Variants in VWA8 observed in about 807,000 individuals in gnomAD.
VWA8 encodes the protein von Willebrand factor A domain-containing protein 8.
VWA8 carries 221 observed loss-of-function variants against 241.5 expected under a neutral mutation model. The ratio of observed to expected loss-of-function variants is 0.91; its 90% CI spans 0.82 to 1.02. The LOEUF (loss-of-function observed/expected upper bound fraction) is 1.02, where lower values mean the gene tolerates loss of function less well. Among genes scored for constraint, VWA8 ranks in the 50% least tolerant of loss-of-function variants. The pLI, the probability that VWA8 is intolerant of heterozygous loss-of-function variation, is 0.00. For synonymous variants in VWA8, 852 were observed against 827.1 expected, an observed-to-expected ratio of 1.03 and a Z score of -0.52; for missense variants, 2,322 against 2,328.7, an observed-to-expected ratio of 1.00 and a Z score of 0.06.
At chr13:41,671,205 A>G in intron 36 of VWA8, 58 bp from the exon 37 acceptor site, 1 of 1,552,882 alleles carries the variant, frequency 6.4e-7, no homozygotes, top group Non-Finnish European at 8.9e-7. Context: ...AGGAGGGATG[A>G]CACTGCACAT....
intron 2 of VWA8, among the ~76,000 whole-genome samples, chr13:41,913,605 C>T (rs911494688): frequency 6.6e-6 from 1 of 152,192 alleles, no homozygotes; most frequent in Admixed American, 6.5e-5. Flanking sequence ...CTCTCCTGTA[C>T]TCCCCTGCCC....
At chr13:41,755,503 A>C (rs1369777235) in intron 21 of VWA8, among the ~76,000 whole-genome samples, 2 of 151,952 alleles carry the variant, frequency 1.3e-5, no homozygotes, top group African/African-American at 4.8e-5. Flanking sequence ...AATTTTTATT[A>C]TATTTTCAGT....
intron 26 of VWA8, among the ~76,000 whole-genome samples, chr13:41,711,284 A>G (rs1226608894): frequency 2.0e-5 from 3 of 152,178 alleles, no homozygotes; most frequent in Non-Finnish European, 4.4e-5. Flanking sequence ...GGACTATTTA[A>G]TTCATTGTTC....
At chr13:41,945,067 C>T (rs565064075) in intron 2 of VWA8, among the ~76,000 whole-genome samples, 1 of 152,262 alleles carries the variant, frequency 6.6e-6, no homozygotes, top group African/African-American at 2.4e-5. Flanking sequence ...TGAGGGTCCA[C>T]ACAAGCAGAA....
At chr13:41,603,475 C>A (rs1436211029) in intron 40 of VWA8, among the ~76,000 whole-genome samples, 2 of 152,140 alleles carry the variant, frequency 1.3e-5, no homozygotes, top group Admixed American at 1.3e-4. Context: ...TAGTCCTCAA[C>A]AAATACCAAT....
At chr13:41,850,331 A>T (rs1389404689) in intron 12 of VWA8, among the ~76,000 whole-genome samples, 5 of 152,182 alleles carry the variant, frequency 3.3e-5, no homozygotes, top group Non-Finnish European at 7.3e-5. Context: ...TACATACTAT[A>T]ATGTAGTTCC....
chr13:41,848,152 C>T (rs1056029744), intron 12 of VWA8, among the ~76,000 whole-genome samples: 5 of 152,160 alleles, frequency 3.3e-5, no homozygotes, highest in Admixed American at 3.3e-4. Flanking sequence ...TTTTGATTGA[C>T]AATGCATCCC....
intron 9 of VWA8, among the ~76,000 whole-genome samples, chr13:41,881,522 C>T (rs199711225): frequency 1.0e-4 from 15 of 145,688 alleles, no homozygotes; most frequent in Non-Finnish European, 2.0e-4. Flanking sequence ...CCTTTCCCCC[C>T]TTCTGTTCCA....
intron 20 of VWA8, among the ~76,000 whole-genome samples, chr13:41,774,268 T>C (rs1868484099): frequency 6.6e-6 from 1 of 152,184 alleles, no homozygotes; most frequent in African/African-American, 2.4e-5. Context: ...GCCTCCGAAG[T>C]AGATGGGACT....
At chr13:41,619,184 C>T (rs941549248) in intron 37 of VWA8, among the ~76,000 whole-genome samples, 2 of 152,324 alleles carry the variant, frequency 1.3e-5, no homozygotes, top group South Asian at 2.1e-4. Flanking sequence ...AGGTCCTTCA[C>T]ATCCCTTGTA....
At chr13:41,926,551 T>C (rs1371648166) in intron 2 of VWA8, 1 of 545,060 alleles carries the variant, frequency 1.8e-6, no homozygotes, top group Non-Finnish European at 3.7e-6. Context: ...AGTTCCAGAA[T>C]GAAGGGATTG....
chr13:41,935,382 C>G (rs926063910), intron 2 of VWA8, among the ~76,000 whole-genome samples: 1 of 151,982 alleles, frequency 6.6e-6, no homozygotes, highest in Non-Finnish European at 1.5e-5. Flanking sequence ...GAGCACATCT[C>G]AAAAGAACCA....
At chr13:41,642,563 AAAAAAAAAAAAAAAAG>A (rs2044802966) in intron 37 of VWA8, among the ~76,000 whole-genome samples, 2 of 134,588 alleles carry the variant, frequency 1.5e-5, no homozygotes, top group South Asian at 4.6e-4. Context: ...CGTCTCAAAC[AAAAAAAAAAAAAAAAG>A]AAAAAAAGAA....
intron 37 of VWA8, among the ~76,000 whole-genome samples, chr13:41,647,795 G>T: frequency 6.6e-6 from 1 of 152,146 alleles, no homozygotes; most frequent in South Asian, 2.1e-4. Flanking sequence ...TTTGAGACCA[G>T]ATTGGCCAAT....
At chr13:41,727,881 C>G (rs1385305467) in intron 23 of VWA8, among the ~76,000 whole-genome samples, 1 of 152,052 alleles carries the variant, frequency 6.6e-6, no homozygotes, top group Non-Finnish European at 1.5e-5. Flanking sequence ...TGGGATTGTA[C>G]CATAGTTCTT....
intron 42 of VWA8, among the ~76,000 whole-genome samples, chr13:41,580,740 T>C (rs577272205): frequency 6.6e-6 from 1 of 152,318 alleles, no homozygotes; most frequent in African/African-American, 2.4e-5. Context: ...AAGTCAGAAG[T>C]GCTGGCTTTG....
At chr13:41,610,162 C>T (rs547759249) in intron 39 of VWA8, among the ~76,000 whole-genome samples, 6 of 152,250 alleles carry the variant, frequency 3.9e-5, no homozygotes, top group South Asian at 2.1e-4. Flanking sequence ...TCATTAATTG[C>T]GGAGGGGAGA....
intron 22 of VWA8, 108 bp downstream of exon 22, chr13:41,731,972 T>C (rs116931976): frequency 0.037 from 33,999 of 918,224 alleles, 782 homozygotes; most frequent in Non-Finnish European, 0.045. Context: ...ATAAGCAGCA[T>C]GAAAACAGAC....
intron 2 of VWA8, 84 bp from the exon 3 acceptor site, chr13:41,912,252 T>C: frequency 4.8e-6 from 5 of 1,046,390 alleles, no homozygotes; most frequent in Non-Finnish European, 6.4e-6. Context: ...CATATTTATA[T>C]ATATATATAA....
Sources: allele counts gnomAD v4.1 joint callset (sites outside exome capture counted in the v4.1 genomes callset), GRCh38; gene constraint gnomAD v4.1.1; transcripts MANE v1.5; gene names NCBI Gene and HGNC (gene_info 2026-07-23, HGNC 2026-07-21).